PNPLA1: variants seen among roughly 807,000 people sequenced by gnomAD.
PNPLA1 encodes the protein omega-hydroxyceramide transacylase.
A neutral mutation model predicts 51.7 loss-of-function variants in PNPLA1; 36 were observed. That is an observed-to-expected ratio of 0.70 (90% CI 0.53 to 0.92). PNPLA1 has a LOEUF of 0.92. Among genes scored for constraint, PNPLA1 ranks in the 40% least tolerant of loss-of-function variants. The pLI, the probability that PNPLA1 is intolerant of heterozygous loss-of-function variation, is 0.00. For missense variants in PNPLA1, 658 were observed against 682.5 expected (o/e 0.96, Z 0.40); for synonymous variants, 293 against 280.1 (o/e 1.05, Z -0.46).
At chr6:36,264,555 C>A (rs1463938421) in intron 1 of PNPLA1, among the ~76,000 whole-genome samples, 1 of 151,858 alleles carries the variant, frequency 6.6e-6, no homozygotes, top group African/African-American at 2.4e-5. Context: ...CTGGAACACT[C>A]CCTCCCTGGT....
intron 1 of PNPLA1, among the ~76,000 whole-genome samples, chr6:36,280,087 TCG>T (rs2127331977): frequency 6.6e-6 from 1 of 152,274 alleles, no homozygotes; most frequent in South Asian, 2.1e-4. Context: ...GTGCCTGTAG[TCG>T]TAGCTACTCG....
In PNPLA1 at chr6:36,307,675, A is replaced by G. The variant is rs1050762604; in HGVS notation, c.1558A>G (p.Arg520Gly). 1 of 1,614,086 alleles carries G rather than the reference A, an allele frequency of 6.2e-7. No individual in the cohort carries two copies. The highest frequency in any genetic ancestry group is 1.1e-5 in the South Asian group (1 of 91,078). The part of the protein sequence containing the change: ...KTSGTRKGFP[R>G]HSGSKKPSSK... The stretch of plus-strand genomic sequence containing the variant: ...AAGTGGCACCAGAAAAGGCTTCCCA[A>G]GACATTCGGGATCCAAAAAACCAAG... Residue 520 changes from arginine (R) to glycine (G), a missense_variant, in exon 8 of 9, where the codon AGA (arginine) becomes GGA (glycine). By Grantham distance (125) the Arg-to-Gly change is moderately radical. Coordinates refer to ENST00000636260, the MANE Select transcript of PNPLA1 (RefSeq NM_001374623.1).
chr6:36,296,389 T>C (rs925438865), intron 5 of PNPLA1, among the ~76,000 whole-genome samples: 1 of 152,234 alleles, frequency 6.6e-6, no homozygotes, highest in African/African-American at 2.4e-5. Flanking sequence ...AGCATTTTCC[T>C]TGTTGCCACA....
At chr6:36,310,626 TTAAG>T in intron 8 of PNPLA1, among the ~76,000 whole-genome samples, 1 of 152,270 alleles carries the variant, frequency 6.6e-6, no homozygotes. Flanking sequence ...CACAGAGAGG[TTAAG>T]TAACATGCCC....
chr6:36,265,128 G>A (rs376513130), upstream of PNPLA1, among the ~76,000 whole-genome samples: 1 of 152,148 alleles, frequency 6.6e-6, no homozygotes, highest in African/African-American at 2.4e-5. Flanking sequence ...GTCACCTGAG[G>A]TCAGGAGTTT....
In PNPLA1 at chr6:36,294,329, A is replaced by G. The variant is rs775786663; in HGVS notation, c.644A>G (p.Asn215Ser). 5 of 1,614,064 alleles carry G rather than the reference A, an allele frequency of 3.1e-6. No individual in the cohort carries two copies. The East Asian group carries it at 6.7e-5, about 22-fold the overall frequency. ...ATCTTCCACGACTTCCGCATGTTCA[A>G]CTGCTCCTTCCAGTTCTCCCTGGAG... is the stretch of plus-strand genomic sequence containing the variant. ...PAIFHDFRMFNCSFQFSLENI... is the reference protein window; with the variant it reads ...PAIFHDFRMFSCSFQFSLENI... The change falls in exon 4 of 9, where the codon AAC becomes AGC. Residue 215 changes from asparagine to serine, a missense_variant. By Grantham distance (46) the Asn-to-Ser change is conservative (BLOSUM62 1). Transcript: ENST00000636260. This position sits in a 1 kb window ranked among gnomAD's most constrained non-coding sequence, Gnocchi z 4.2.
intron 1 of PNPLA1, among the ~76,000 whole-genome samples, chr6:36,245,874 C>A (rs1171634160): frequency 6.6e-6 from 1 of 152,316 alleles, no homozygotes; most frequent in East Asian, 1.9e-4. Context: ...CACTCCCCGC[C>A]CCCCGCCACA....
Position 36,294,161 on chromosome 6 carries a change from A to C in PNPLA1, c.505-29A>C. On this transcript the variant is annotated intron_variant, in intron 3 of 8. Coordinates refer to ENST00000636260, the MANE Select transcript of PNPLA1 (RefSeq NM_001374623.1). This position sits in a 1 kb window ranked among gnomAD's most constrained non-coding sequence, Gnocchi z 4.2. Reference sequence around the variant, plus strand: ...AGTGGGGCTGAGAACTCTGGCCCCAAGTGGGCATTTCTCACTCTGCCCCCA... The same window carrying C: ...AGTGGGGCTGAGAACTCTGGCCCCACGTGGGCATTTCTCACTCTGCCCCCA... 2.5e-6 allele frequency: 4 copies of C among 1,612,180 alleles called. No homozygotes were observed. The highest frequency in any genetic ancestry group is 3.4e-6 in the Non-Finnish European group (4 of 1,178,732).
At chr6:36,245,872 G>GC (rs1769268160) in intron 1 of PNPLA1, among the ~76,000 whole-genome samples, 1 of 152,054 alleles carries the variant, frequency 6.6e-6, no homozygotes, top group African/African-American at 2.4e-5. Flanking sequence ...TTCACTCCCC[G>GC]CCCCCCGCCA....
At chr6:36,244,717 C>T (rs1237533266) in intron 1 of PNPLA1, among the ~76,000 whole-genome samples, 2 of 152,220 alleles carry the variant, frequency 1.3e-5, no homozygotes, top group African/African-American at 2.4e-5. Flanking sequence ...TTAACCATAA[C>T]GATACTTCTT....
intron 6 of PNPLA1, among the ~76,000 whole-genome samples, chr6:36,305,359 C>G (rs566951032): frequency 1.3e-5 from 2 of 152,000 alleles, no homozygotes; most frequent in African/African-American, 4.8e-5. Flanking sequence ...CATTGGGGAA[C>G]AGGAAAATTG....
At chr6:36,274,829 C>T (rs563563338) in intron 1 of PNPLA1, among the ~76,000 whole-genome samples, 42 of 152,282 alleles carry the variant, frequency 2.8e-4, no homozygotes, top group African/African-American at 9.6e-4. Context: ...GACCACTAGA[C>T]GTTTCCTCTT....
intron 1 of PNPLA1, among the ~76,000 whole-genome samples, chr6:36,250,950 C>T (rs1338589619): frequency 6.6e-6 from 1 of 152,228 alleles, no homozygotes; most frequent in East Asian, 1.9e-4. Context: ...GATCCACCTG[C>T]CTCGGCCTCC....
chr6:36,245,706 T>G (rs1168572501), intron 1 of PNPLA1, among the ~76,000 whole-genome samples: 2 of 152,168 alleles, frequency 1.3e-5, no homozygotes, highest in Non-Finnish European at 2.9e-5. Context: ...CAAGGAGCAT[T>G]TCCTCATTCA....
At chr6:36,258,447 T>A (rs1469693623) in intron 1 of PNPLA1, among the ~76,000 whole-genome samples, 1 of 152,218 alleles carries the variant, frequency 6.6e-6, no homozygotes, top group Non-Finnish European at 1.5e-5. Flanking sequence ...TATTCCCTTC[T>A]TCCAAGTATT....
At chr6:36,292,936 G>A (rs1257748386) in intron 2 of PNPLA1, 125 bp from the exon 3 acceptor site, 4 of 739,668 alleles carry the variant, frequency 5.4e-6, no homozygotes, top group Non-Finnish European at 6.4e-6. Context: ...GCTTCCCAGT[G>A]TGGCACCTTC....
chr6:36,275,080 T>G, intron 1 of PNPLA1, among the ~76,000 whole-genome samples: 1 of 152,204 alleles, frequency 6.6e-6, no homozygotes. Context: ...ACTTGGGTTT[T>G]GTTTTGTTTT....
At chr6:36,249,029 A>C (rs571061624) in intron 1 of PNPLA1, among the ~76,000 whole-genome samples, 13 of 152,190 alleles carry the variant, frequency 8.5e-5, no homozygotes, top group South Asian at 2.1e-4. Flanking sequence ...ACTTCATGCC[A>C]GGTGTTTCTG....
Position 36,302,009 on chromosome 6 carries a change from A to G in PNPLA1, c.924A>G (p.Thr308=). 6.2e-7 allele frequency: 1 copy of G among 1,614,216 alleles called. No homozygotes were observed. Among genetic ancestry groups the G allele is most frequent in the East Asian group, 2.2e-5 (1 of 44,892 alleles). The change falls in exon 6 of 9, where the codon ACA becomes ACG. Residue 308 remains threonine, a synonymous_variant. Transcript: ENST00000636260. ...GGCAGGCCAGTCTGGAAGGAGCCAC[A>G]CAACCTCACAAGGAGTGGGTTCCCA... ...RARQASLEGA[T]QPHKEWVPKG...
Sources: allele counts gnomAD v4.1 joint callset (sites outside exome capture counted in the v4.1 genomes callset), GRCh38; gene constraint gnomAD v4.1.1; non-coding constraint Gnocchi (gnomAD v3.1); transcripts MANE v1.5; gene names NCBI Gene and HGNC (gene_info 2026-07-23, HGNC 2026-07-21).